Variants in PPTC7 observed in about 807,000 individuals in gnomAD.
PPTC7 encodes protein phosphatase targeting COQ7.
In PPTC7, 6 loss-of-function variants were observed where a neutral mutation model predicts 30.8. The ratio of observed to expected loss-of-function variants is 0.19; its 90% CI spans 0.11 to 0.38. The LOEUF (loss-of-function observed/expected upper bound fraction) is 0.38, where lower values mean the gene tolerates loss of function less well. Among genes scored for constraint, PPTC7 ranks in the 10% least tolerant of loss-of-function variants. The pLI, the probability that PPTC7 is intolerant of heterozygous loss-of-function variation, is 1.00. For synonymous variants in PPTC7, 163 were observed against 168.1 expected (o/e 0.97, Z 0.23); for missense variants, 218 against 404.8 (o/e 0.54, Z 3.96).
chr12:110,581,683 A>G (rs2135801935), intron 1 of PPTC7, among the ~76,000 whole-genome samples: 1 of 152,388 alleles, frequency 6.6e-6, no homozygotes, highest in South Asian at 2.1e-4. Context: ...CACTACATGT[A>G]GTAGAACCAA....
At chr12:110,561,773 A>G (rs2135782022) in intron 1 of PPTC7, among the ~76,000 whole-genome samples, 1 of 152,210 alleles carries the variant, frequency 6.6e-6, no homozygotes, top group East Asian at 1.9e-4. Flanking sequence ...CCTGGGCAAC[A>G]TGGTAAAACC....
chr12:110,581,587 A>G (rs2064637863), intron 1 of PPTC7, among the ~76,000 whole-genome samples: 1 of 152,214 alleles, frequency 6.6e-6, no homozygotes, highest in Non-Finnish European at 1.5e-5. Context: ...CGTTGCCTAA[A>G]CATTAAATGC....
intron 2 of PPTC7, among the ~76,000 whole-genome samples, chr12:110,551,212 T>C (rs1440338028): frequency 6.6e-6 from 1 of 152,250 alleles, no homozygotes; most frequent in African/African-American, 2.4e-5. Flanking sequence ...TTCTCTAGTC[T>C]AGGGTAAACA....
Position 110,583,069 on chromosome 12 carries a change from G to A in PPTC7, c.-38C>T. On this transcript the variant is annotated 5_prime_UTR_variant, in exon 1 of 6. Coordinates refer to ENST00000354300, the MANE Select transcript of PPTC7 (RefSeq NM_139283.2). ...CCCCCCGAGGAGGCGGGGGGCCGGG[G>A]GAGCAGGAGGACGCGGAGGCCCGGA... 7.4e-7 allele frequency: 1 copy of A among 1,346,082 alleles called. No individual in the cohort carries two copies. The highest frequency in any genetic ancestry group is 3.1e-5 in the East Asian group (1 of 32,262). 83.4% of individuals were successfully genotyped at this position (1,346,082 alleles called of 1,614,324 possible).
At chr12:110,565,437 G>C (rs149210707) in intron 1 of PPTC7, among the ~76,000 whole-genome samples, 1,617 of 151,912 alleles carry the variant, frequency 0.011, 34 homozygotes, top group Middle Eastern at 0.041. Flanking sequence ...TGTATTTTTA[G>C]TAGAGACGGG....
chr12:110,563,404 G>A (rs1342694928), intron 1 of PPTC7, among the ~76,000 whole-genome samples: 2 of 152,146 alleles, frequency 1.3e-5, no homozygotes, highest in Admixed American at 6.5e-5. Context: ...ATCACCTGAG[G>A]TCAGGAGTTC....
intron 1 of PPTC7, among the ~76,000 whole-genome samples, chr12:110,557,280 G>T (rs965926367): frequency 2.6e-5 from 4 of 152,146 alleles, no homozygotes. Flanking sequence ...CTTAGTAGTA[G>T]TTTTGTTTTC....
At chr12:110,549,614 AAATATTATTTTCTCT>A (rs1450290954) in intron 2 of PPTC7, among the ~76,000 whole-genome samples, 1 of 152,224 alleles carries the variant, frequency 6.6e-6, no homozygotes, top group African/African-American at 2.4e-5. Context: ...CAATGTAAGA[AAATATTATTTTCTCT>A]AATATTAAAT....
At chr12:110,538,001 C>T in intron 5 of PPTC7, 143 bp downstream of exon 5, 1 of 752,630 alleles carries the variant, frequency 1.3e-6, no homozygotes, top group South Asian at 1.8e-5. Context: ...CTCTCATCCT[C>T]CTGACCTTGC....
intron 1 of PPTC7, among the ~76,000 whole-genome samples, chr12:110,560,095 T>TA (rs1488729941): frequency 6.6e-6 from 1 of 152,188 alleles, no homozygotes; most frequent in African/African-American, 2.4e-5. Flanking sequence ...CAAAATGGTA[T>TA]AACCATGTAA....
At chr12:110,579,066 T>C (rs2064614328) in intron 1 of PPTC7, among the ~76,000 whole-genome samples, 1 of 152,028 alleles carries the variant, frequency 6.6e-6, no homozygotes, top group Non-Finnish European at 1.5e-5. Context: ...CAAGAATCGC[T>C]TGAAGCTGGG....
chr12:110,553,149 T>C (rs1241726937), intron 1 of PPTC7, among the ~76,000 whole-genome samples: 4 of 141,464 alleles, frequency 2.8e-5, no homozygotes, highest in South Asian at 5.2e-4. Flanking sequence ...CGCCATTGCA[T>C]CCCACCCTGG....
intron 5 of PPTC7, among the ~76,000 whole-genome samples, chr12:110,537,670 G>C (rs1215768326): frequency 6.6e-6 from 1 of 152,332 alleles, no homozygotes; most frequent in Admixed American, 6.5e-5. Flanking sequence ...TCATGCTGTA[G>C]ATAGGACAAG....
chr12:110,572,442 A>C (rs981823804), intron 1 of PPTC7, among the ~76,000 whole-genome samples: 6 of 151,966 alleles, frequency 3.9e-5, no homozygotes, highest in African/African-American at 1.5e-4. Flanking sequence ...CTCCGTCTTA[A>C]AAACAAAAAA....
rs1291704040 is a variant in PPTC7, at chr12:110,535,200, C to CCCCG, written c.*1833_*1836dup. The CCCCG allele has an allele frequency of 6.6e-6, 1 of 152,008 alleles. No individual in the cohort carries two copies. The highest frequency in any genetic ancestry group is 2.4e-5 in the African/African-American group (1 of 41,210). The allele number at this position is 152,008 out of a possible 1,614,324, so 9.4% of individuals were successfully genotyped here. A position where few individuals can be genotyped will look rare whatever the true frequency, so the allele number is the denominator to read the frequency against. ...ATAGAGACTCCGTCCAGACCCCCCA[C>CCCCG]CCCGCCCCCACCGCGTCTACCAAAG... On this transcript the variant is annotated 3_prime_UTR_variant, in exon 6 of 6. Coordinates refer to ENST00000354300, the MANE Select transcript of PPTC7 (RefSeq NM_139283.2).
chr12:110,551,773 T>G lies in PPTC7; in HGVS notation c.403+16A>C. On this transcript the variant is annotated intron_variant, in intron 2 of 5. Transcript: ENST00000354300. ...GGGGGCTTCTTTAGAGGAAAACACA[T>G]AAGATACCCACTTACCGAGCAAAGG... The G allele has an allele frequency of 6.2e-7, 1 of 1,608,056 alleles. No individual in the cohort carries two copies.
intron 1 of PPTC7, among the ~76,000 whole-genome samples, chr12:110,580,800 G>T (rs1593171012): frequency 2.0e-5 from 3 of 151,722 alleles, no homozygotes; most frequent in African/African-American, 7.3e-5. Flanking sequence ...CGCCCAGTCT[G>T]GAGTGCAGTG....
chr12:110,548,223 C>T (rs1161659740), intron 2 of PPTC7, among the ~76,000 whole-genome samples: 1 of 152,052 alleles, frequency 6.6e-6, no homozygotes, highest in South Asian at 2.1e-4. Flanking sequence ...TGCACACATA[C>T]ACACAGAAAA....
chr12:110,556,232 G>A (rs1193847758), intron 1 of PPTC7, among the ~76,000 whole-genome samples: 2 of 152,168 alleles, frequency 1.3e-5, no homozygotes, highest in Non-Finnish European at 2.9e-5. Flanking sequence ...GGCAAAGGAT[G>A]CCAAGCAAAA....
Sources: gnomAD v4.1 joint callset for allele counts (sites outside exome capture counted in the v4.1 genomes callset) on GRCh38, gnomAD v4.1.1 for gene constraint, MANE v1.5 for transcripts, NCBI Gene and HGNC (gene_info 2026-07-23, HGNC 2026-07-21) for gene names.